The following BRCA2 variants were observed in gnomAD, a reference collection of about 807,000 sequenced individuals.
BRCA2 encodes the protein breast cancer type 2 susceptibility protein.
BRCA2 carries 203 observed loss-of-function variants against 276.7 expected under a neutral mutation model. That is an observed-to-expected ratio of 0.73 (90% CI 0.65 to 0.82). The LOEUF is 0.82. BRCA2 is among the 40% of genes least tolerant of loss of function. BRCA2 has a pLI of 0.00. For synonymous variants in BRCA2, 1,289 were observed against 1,338.4 expected, an observed-to-expected ratio of 0.96 and a Z score of 0.81; for missense variants, 3,920 against 3,915.0, an observed-to-expected ratio of 1.00 and a Z score of -0.03.
Position 32,346,884 on chromosome 13 carries a change from G to GT in BRCA2, c.6996dup (p.Val2333CysfsTer7). On this transcript the variant is annotated frameshift_variant, in exon 13 of 27. Coordinates refer to ENST00000380152, the MANE Select transcript of BRCA2 (RefSeq NM_000059.4). LOFTEE classifies it high-confidence loss of function. ...CATGTTTCTTTAGAGCCGATTACCT[G>GT]TGTACCCTTTCGGTAAGACATGTTT... is the stretch of plus-strand genomic sequence containing the variant. 6.2e-7 allele frequency: 1 copy of GT among 1,608,622 alleles called. No individual in the cohort carries two copies.
In BRCA2 at chr13:32,394,726, C is replaced by A. The variant is rs80359200; in HGVS notation, c.9294C>A (p.Tyr3098Ter). 1 of 1,613,758 alleles carries A rather than the reference C, an allele frequency of 6.2e-7. No homozygotes were observed. The highest frequency in any genetic ancestry group is 2.2e-5 in the East Asian group (1 of 44,870). ...APFVYLSDEC[Y>*]NLLAIKFWID... ...TCGTCTATTTGTCAGACGAATGTTA[C>A]AATTTACTGGCAATAAAGTTTTGGA... The change falls in exon 25 of 27, where the codon TAC (tyrosine) becomes TAA (stop). Residue 3098 changes from tyrosine (Y) to a stop codon, truncating the protein, a stop_gained. Coordinates refer to ENST00000380152, the MANE Select transcript of BRCA2 (RefSeq NM_000059.4). LOFTEE classifies it high-confidence loss of function.
At position 32,339,323 on chromosome 13, in the gene BRCA2, A is replaced by C. The variant is rs1060504597; in HGVS notation, c.4968A>C (p.Thr1656=). The part of the protein sequence containing the change: ...ETAKSPATCY[T]NQSPYSVIEN... ...CAAAAAGTCCTGCAACTTGTTACAC[A>C]AATCAGTCCCCTTATTCAGTCATTG... is the stretch of plus-strand genomic sequence containing the variant. Residue 1656 remains threonine, a synonymous_variant, in exon 11 of 27, where the codon ACA becomes ACC. Transcript: ENST00000380152. 2 of 1,599,926 alleles carry C rather than the reference A, an allele frequency of 1.3e-6. No homozygotes were observed. The highest frequency in any genetic ancestry group is 1.7e-6 in the Non-Finnish European group (2 of 1,174,820).
intron 11 of BRCA2, 132 bp downstream of exon 11, chr13:32,341,328 G>C: frequency 7.7e-7 from 1 of 1,299,152 alleles, no homozygotes; most frequent in South Asian, 1.2e-5. Flanking sequence ...AGTCAGTTTG[G>C]GGGAGTATGG....
At chr13:32,387,002 C>T (rs898260080) in intron 24 of BRCA2, among the ~76,000 whole-genome samples, 3 of 151,634 alleles carry the variant, frequency 2.0e-5, no homozygotes, top group Non-Finnish European at 4.4e-5. Context: ...TGGTGATTTG[C>T]TGGCATTTTT....
intron 18 of BRCA2, among the ~76,000 whole-genome samples, chr13:32,368,361 G>A (rs987316778): frequency 2.0e-5 from 3 of 151,956 alleles, no homozygotes; most frequent in Admixed American, 6.6e-5. Context: ...AAGTGAATTT[G>A]TGTCTACCAA....
chr13:32,376,822 T>C (rs774628841), intron 21 of BRCA2, 31 bp downstream of exon 21: 48 of 1,612,128 alleles, frequency 3.0e-5, no homozygotes, highest in Non-Finnish European at 3.7e-5. Context: ...ATAATGAGGC[T>C]TGATGATTAT....
chr13:32,337,970 T>C lies in BRCA2; in HGVS notation c.3615T>C (p.Ser1205=), dbSNP rs769677997. Residue 1205 remains serine, a synonymous_variant, in exon 11 of 27, where the codon TCT becomes TCC. Coordinates refer to ENST00000380152, the MANE Select transcript of BRCA2 (RefSeq NM_000059.4). ...AAAATGACTGTAACAAAAGTGCTTC[T>C]GGTTATTTAACAGATGAAAATGAAG... ...LLKNDCNKSA[S]GYLTDENEVG... is the part of the protein sequence containing the mutation. 2.5e-6 allele frequency: 4 copies of C among 1,613,972 alleles called. No homozygotes were observed. The highest frequency in any genetic ancestry group is 1.1e-5 in the South Asian group (1 of 91,070).
chr13:32,338,009 C>G lies in BRCA2; in HGVS notation c.3654C>G (p.Gly1218=). The G allele has an allele frequency of 6.2e-7, 1 of 1,612,674 alleles. No homozygotes were observed. Among genetic ancestry groups the G allele is most frequent in the Non-Finnish European group, 8.5e-7 (1 of 1,179,200 alleles). Residue 1218 remains glycine, a synonymous_variant, in exon 11 of 27, where the codon GGC becomes GGG. Transcript: ENST00000380152. The stretch of plus-strand genomic sequence containing the variant: ...ATGAAAATGAAGTGGGGTTTAGGGG[C>G]TTTTATTCTGCTCATGGCACAAAAC... ...LTDENEVGFR[G]FYSAHGTKLN...
chr13:32,379,019 T>C (rs2072892846), intron 21 of BRCA2, among the ~76,000 whole-genome samples: 1 of 152,208 alleles, frequency 6.6e-6, no homozygotes. Flanking sequence ...TTACTACACA[T>C]AGATCTATTT....
chr13:32,379,555 C>T, intron 22 of BRCA2, 40 bp downstream of exon 22: 3 of 1,593,220 alleles, frequency 1.9e-6, no homozygotes, highest in Non-Finnish European at 8.6e-7. Flanking sequence ...GTTTTATTAA[C>T]TTAAAAAATG....
At chr13:32,386,923 T>A (rs1341280310) in intron 24 of BRCA2, among the ~76,000 whole-genome samples, 2 of 152,192 alleles carry the variant, frequency 1.3e-5, no homozygotes, top group Non-Finnish European at 1.5e-5. Flanking sequence ...AAATCCAAGA[T>A]CAAAGTGTTG....
At chr13:32,362,127 A>G (rs374012016) in intron 16 of BRCA2, among the ~76,000 whole-genome samples, 25 of 152,182 alleles carry the variant, frequency 1.6e-4, no homozygotes, top group African/African-American at 5.3e-4. Flanking sequence ...GGCTCAAGCA[A>G]TCCTCCCACC....
Position 32,325,388 on chromosome 13 carries a change from TG to T in BRCA2, c.425+205del, listed in dbSNP as rs2072337140. 2.6e-5 allele frequency among the ~76,000 whole-genome samples: 4 copies of T among 152,224 alleles called. No individual in the cohort carries two copies. In the South Asian group the frequency reaches 8.3e-4, roughly 31 times the overall value. On this transcript the variant is annotated intron_variant, in intron 4 of 26. Coordinates refer to ENST00000380152, the MANE Select transcript of BRCA2 (RefSeq NM_000059.4). ...AACATGTAAGTTGTTGTTCTTGTGATGTTGAATTGGCTGGTTTTCTGTATAT... is the reference window on the plus strand; with the variant it reads ...AACATGTAAGTTGTTGTTCTTGTGATTTGAATTGGCTGGTTTTCTGTATAT...
intron 14 of BRCA2, among the ~76,000 whole-genome samples, chr13:32,356,135 C>T (rs552349789): frequency 1.3e-5 from 2 of 151,536 alleles, no homozygotes; most frequent in East Asian, 2.0e-4. Context: ...CTCCTCCTCC[C>T]GAGTTCAAGT....
At chr13:32,315,880 T>C (rs1180263293) in intron 1 of BRCA2, among the ~76,000 whole-genome samples, 2 of 152,208 alleles carry the variant, frequency 1.3e-5, no homozygotes, top group Non-Finnish European at 2.9e-5. Context: ...GGTCTCCATT[T>C]CCCGCCTCCG....
chr13:32,317,298 A>G (rs886371833), intron 2 of BRCA2, among the ~76,000 whole-genome samples: 1 of 146,538 alleles, frequency 6.8e-6, no homozygotes, highest in Non-Finnish European at 1.5e-5. Flanking sequence ...TCTTAGGAAA[A>G]ATAACTTTTT....
Position 32,340,678 on chromosome 13 carries a change from G to T in BRCA2, c.6323G>T (p.Arg2108Leu), listed in dbSNP as rs35029074. ...CAAAATGTATCAAAAATACTTCCTC[G>T]TGTTGATAAGAGAAACCCAGAGCAC... ...SRQNVSKILP[R>L]VDKRNPEHCV... Residue 2108 changes from arginine to leucine, a missense_variant, in exon 11 of 27, where the codon CGT (arginine) becomes CTT (leucine). Arg to Leu is a moderately radical substitution (Grantham distance 102). Transcript: ENST00000380152. The T allele has an allele frequency of 1.9e-6, 3 of 1,608,968 alleles. No individual in the cohort carries two copies. The highest frequency in any genetic ancestry group is 2.5e-6 in the Non-Finnish European group (3 of 1,178,794).
At chr13:32,364,947 A>C (rs2072770436) in intron 18 of BRCA2, among the ~76,000 whole-genome samples, 1 of 151,962 alleles carries the variant, frequency 6.6e-6, no homozygotes, top group Non-Finnish European at 1.5e-5. Flanking sequence ...TTAAGGGCCC[A>C]CAACTCTCAG....
At chr13:32,324,924 G>T in intron 3 of BRCA2, 152 bp from the exon 4 acceptor site, 1 of 612,714 alleles carries the variant, frequency 1.6e-6, no homozygotes, top group Non-Finnish European at 2.9e-6. Flanking sequence ...TTTTTGGGGG[G>T]TAATCAGCAA....
Sources: gnomAD v4.1 joint callset for allele counts (sites outside exome capture counted in the v4.1 genomes callset) on GRCh38, gnomAD v4.1.1 for gene constraint, MANE v1.5 for transcripts, NCBI Gene and HGNC (gene_info 2026-07-23, HGNC 2026-07-21) for gene names.